The following ANTXR1 variants were observed in gnomAD, a reference collection of about 807,000 sequenced individuals.
ANTXR1 encodes anthrax toxin receptor 1.
Under a neutral mutation model 78.1 loss-of-function variants are expected in ANTXR1, and 19 were observed. That is an observed-to-expected ratio of 0.24 (90% CI 0.17 to 0.36). The LOEUF (loss-of-function observed/expected upper bound fraction) is 0.36. ANTXR1 is among the 10% of genes least tolerant of loss of function. The pLI, the probability that ANTXR1 is intolerant of heterozygous loss-of-function variation, is 1.00. For missense variants in ANTXR1, 518 were observed against 718.6 expected (o/e 0.72, Z 3.19); for synonymous variants, 273 against 260.5 (o/e 1.05, Z -0.46).
At chr2:69,066,424 T>G (rs1169878322) in intron 3 of ANTXR1, among the ~76,000 whole-genome samples, 1 of 152,184 alleles carries the variant, frequency 6.6e-6, no homozygotes, top group Non-Finnish European at 1.5e-5. Flanking sequence ...TCCTCCCTAG[T>G]AGATGGGATT....
chr2:69,192,757 G>C (rs776801003), intron 16 of ANTXR1, among the ~76,000 whole-genome samples: 13 of 152,290 alleles, frequency 8.5e-5, no homozygotes, highest in Non-Finnish European at 1.9e-4. Flanking sequence ...AACCTCAAAG[G>C]GGTTGTGGTT....
At chr2:69,067,001 A>C (rs1670418744) in intron 3 of ANTXR1, among the ~76,000 whole-genome samples, 1 of 152,118 alleles carries the variant, frequency 6.6e-6, no homozygotes, top group South Asian at 2.1e-4. Context: ...TCTTTCTCCC[A>C]ATCTCCTTCA....
At chr2:69,203,943 C>A (rs1382921793) in intron 17 of ANTXR1, among the ~76,000 whole-genome samples, 2 of 152,134 alleles carry the variant, frequency 1.3e-5, no homozygotes, top group Non-Finnish European at 2.9e-5. Flanking sequence ...AATAAAGCAA[C>A]CCTGTTCAAA....
intron 16 of ANTXR1, among the ~76,000 whole-genome samples, chr2:69,187,165 G>A (rs1300928289): frequency 6.6e-6 from 1 of 152,172 alleles, no homozygotes; most frequent in African/African-American, 2.4e-5. Context: ...GAGGGAAGAA[G>A]TCCACAGTGG....
At chr2:69,117,770 C>T (rs1418963504) in intron 10 of ANTXR1, among the ~76,000 whole-genome samples, 1 of 152,168 alleles carries the variant, frequency 6.6e-6, no homozygotes, top group Non-Finnish European at 1.5e-5. Context: ...TGACTCCCCA[C>T]ACAATGTCAT....
At chr2:69,146,789 C>T (rs746029100) in intron 12 of ANTXR1, among the ~76,000 whole-genome samples, 37 of 152,336 alleles carry the variant, frequency 2.4e-4, no homozygotes, top group South Asian at 1.2e-3. Context: ...CACAACTCCG[C>T]GAGGGGGACC....
intron 13 of ANTXR1, among the ~76,000 whole-genome samples, chr2:69,155,795 G>A (rs552906398): frequency 1.3e-5 from 2 of 152,288 alleles, no homozygotes; most frequent in South Asian, 2.1e-4. Context: ...CAGGTAGGGG[G>A]TGGCTTTATG....
chr2:69,123,498 T>A (rs1348714411), intron 11 of ANTXR1, among the ~76,000 whole-genome samples: 1 of 152,204 alleles, frequency 6.6e-6, no homozygotes, highest in Non-Finnish European at 1.5e-5. Context: ...AGATAATTGT[T>A]ATCTCCTCCT....
intron 17 of ANTXR1, among the ~76,000 whole-genome samples, chr2:69,237,569 G>A (rs1316409120): frequency 6.6e-6 from 1 of 152,158 alleles, no homozygotes; most frequent in Non-Finnish European, 1.5e-5. Flanking sequence ...TAGGGCTAAA[G>A]GCACACACAT....
At chr2:69,101,120 C>T (rs960914060) in intron 9 of ANTXR1, among the ~76,000 whole-genome samples, 3 of 152,196 alleles carry the variant, frequency 2.0e-5, no homozygotes, top group Admixed American at 6.5e-5. Flanking sequence ...TCTTTTCTAA[C>T]TTATACTCCT....
chr2:69,212,258 C>A (rs1675060681), intron 17 of ANTXR1, among the ~76,000 whole-genome samples: 1 of 152,078 alleles, frequency 6.6e-6, no homozygotes, highest in Non-Finnish European at 1.5e-5. Flanking sequence ...AGGAGAAAAC[C>A]AGGGAGGTGA....
Position 69,245,525 on chromosome 2 carries a change from G to A in ANTXR1, c.*40G>A. 1 of 1,611,582 alleles carries A rather than the reference G, an allele frequency of 6.2e-7. No homozygotes were observed. The highest frequency in any genetic ancestry group is 8.5e-7 in the Non-Finnish European group (1 of 1,179,456). On this transcript the variant is annotated 3_prime_UTR_variant, in exon 18 of 18. Coordinates refer to ENST00000303714, the MANE Select transcript of ANTXR1 (RefSeq NM_032208.3). ...GCTCTGGGCTCTCTCAGAAACTTCA[G>A]GAGATGTTAGAACAAGTCTTTCCAG... is the stretch of plus-strand genomic sequence containing the variant.
At position 69,139,687 on chromosome 2, in the gene ANTXR1, G is replaced by A. The variant is rs1023800720; in HGVS notation, c.952-12482G>A. Among the ~76,000 whole-genome samples, 22 of 152,060 alleles carry A rather than the reference G, an allele frequency of 1.4e-4. 1 individual carries two copies. In the East Asian group the frequency reaches 2.9e-3, roughly 20 times the overall value. On this transcript the variant is annotated intron_variant, in intron 12 of 17. Coordinates refer to ENST00000303714, the MANE Select transcript of ANTXR1 (RefSeq NM_032208.3). Reference sequence around the variant, plus strand: ...CACCCAAATTCACCTTTCCAAGTTCGTAATCTAAAGCAACAGCCCATGGTA... The same window carrying A: ...CACCCAAATTCACCTTTCCAAGTTCATAATCTAAAGCAACAGCCCATGGTA...
chr2:69,173,262 C>T (rs1674039055), intron 14 of ANTXR1, among the ~76,000 whole-genome samples: 2 of 152,188 alleles, frequency 1.3e-5, no homozygotes, highest in Admixed American at 1.3e-4. Flanking sequence ...GCCCTTGTAA[C>T]TCTGGTTTGT....
chr2:69,107,119 C>A (rs1170585097), intron 10 of ANTXR1, among the ~76,000 whole-genome samples: 1 of 151,992 alleles, frequency 6.6e-6, no homozygotes, highest in East Asian at 1.9e-4. Flanking sequence ...TTTCATCCCC[C>A]CCCCGAACGA....
At chr2:69,040,565 G>A (rs1304212053) in intron 2 of ANTXR1, among the ~76,000 whole-genome samples, 1 of 152,162 alleles carries the variant, frequency 6.6e-6, no homozygotes, top group South Asian at 2.1e-4. Flanking sequence ...CCTTAGTCCT[G>A]AGCAAAATGT....
intron 17 of ANTXR1, among the ~76,000 whole-genome samples, chr2:69,244,954 A>G (rs1364159366): frequency 2.0e-5 from 3 of 152,100 alleles, no homozygotes; most frequent in Non-Finnish European, 4.4e-5. Context: ...ACCTCTGTAC[A>G]CAGCACCCAG....
At chr2:69,119,073 G>T (rs892576599) in intron 10 of ANTXR1, among the ~76,000 whole-genome samples, 2 of 152,002 alleles carry the variant, frequency 1.3e-5, no homozygotes, top group Non-Finnish European at 2.9e-5. Flanking sequence ...CTCCCAAGCA[G>T]AAAAGGAAAA....
Position 69,102,827 on chromosome 2 carries a change from TA to T in ANTXR1, c.704-14del. 1 of 1,613,020 alleles carries T rather than the reference TA, an allele frequency of 6.2e-7. No homozygotes were observed. The highest frequency in any genetic ancestry group is 8.5e-7 in the Non-Finnish European group (1 of 1,179,240). On this transcript the variant is annotated splice_polypyrimidine_tract_variant and intron_variant, in intron 9 of 17. Transcript: ENST00000303714. ...TTGGCCAAGTAACGAGTCTCGTCAT[TA>T]TTCTTTATTTCAGAGTCATTTCAAG...
Sources: gnomAD v4.1 joint callset for allele counts (sites outside exome capture counted in the v4.1 genomes callset) on GRCh38, gnomAD v4.1.1 for gene constraint, MANE v1.5 for transcripts, NCBI Gene and HGNC (gene_info 2026-07-23, HGNC 2026-07-21) for gene names.